Variants in ZFP64 observed in about 807,000 individuals in gnomAD.
ZFP64 encodes ZFP64 zinc finger protein, also known as zinc finger protein 64.
A neutral mutation model predicts 51.6 loss-of-function variants in ZFP64; 14 were observed. That is an observed-to-expected ratio of 0.27 (90% CI 0.18 to 0.42). The LOEUF (loss-of-function observed/expected upper bound fraction) is 0.42. Ranked by LOEUF, ZFP64 falls within the 10% of genes least tolerant of loss-of-function variation. ZFP64 has a pLI of 1.00. For missense variants in ZFP64, 754 were observed against 906.8 expected (o/e 0.83, Z 2.16); for synonymous variants, 375 against 361.4 (o/e 1.04, Z -0.43).
intron 5 of ZFP64, among the ~76,000 whole-genome samples, chr20:52,113,592 C>CT (rs61331317): frequency 0.28 from 36,014 of 126,744 alleles, 5,564 homozygotes; most frequent in East Asian, 0.42. Flanking sequence ...CCATACCTGG[C>CT]TTTTTTTTTT....
chr20:52,164,835 CT>C, intron 3 of ZFP64, 78 bp from the exon 4 acceptor site: 1 of 1,204,404 alleles, frequency 8.3e-7, no homozygotes, highest in Non-Finnish European at 1.2e-6. Flanking sequence ...TAGAAACATC[CT>C]TAACCAAGTG....
chr20:52,094,160 T>C (rs777738550), intron 7 of ZFP64, among the ~76,000 whole-genome samples: 12 of 152,046 alleles, frequency 7.9e-5, no homozygotes, highest in Non-Finnish European at 1.3e-4. Context: ...GATAGTGGCA[T>C]ATATGGAGCA....
chr20:52,166,169 G>A, intron 2 of ZFP64, 144 bp from the exon 3 acceptor site: 1 of 590,722 alleles, frequency 1.7e-6, no homozygotes, highest in Non-Finnish European at 2.5e-6. Flanking sequence ...ATGTGACCCA[G>A]TTCTAGCTAA....
Position 52,185,579 on chromosome 20 carries a change from C to CTTT in ZFP64, c.286+1250_286+1252dup, listed in dbSNP as rs11472663. 4.8e-3 allele frequency among the ~76,000 whole-genome samples: 616 copies of CTTT among 127,826 alleles called. 18 individuals carry two copies. Among genetic ancestry groups the CTTT allele is most frequent in the African/African-American group, 0.016 (541 of 33,710 alleles). 83.9% of individuals were successfully genotyped at this position (127,826 alleles called of 152,430 possible). A position where few individuals can be genotyped will look rare whatever the true frequency, so the allele number is the denominator to read the frequency against. Reference sequence around the variant, plus strand: ...CATCCACTGACCTTTCCACTTTGCACTTTTTTTTTTTTTTTTTTGAGACGA... The same window carrying CTTT: ...CATCCACTGACCTTTCCACTTTGCACTTTTTTTTTTTTTTTTTTTTTGAGACGA... On this transcript the variant is annotated intron_variant, in intron 2 of 5. Coordinates refer to ENST00000216923, the MANE Select transcript of ZFP64 (RefSeq NM_018197.3).
intron 5 of ZFP64, among the ~76,000 whole-genome samples, chr20:52,128,038 C>G (rs1979529421): frequency 6.6e-6 from 1 of 152,140 alleles, no homozygotes; most frequent in Non-Finnish European, 1.5e-5. Context: ...AGGTGTGTTC[C>G]ATGTGTCTGT....
In ZFP64 at chr20:52,095,880, C is replaced by G. The variant is rs1485196215; in HGVS notation, c.976+1493G>C. On this transcript the variant is annotated intron_variant, in intron 7 of 8. Transcript: ENST00000361387. ...GCCTAGCCCCAGTTGAGAACAAGCA[C>G]TCAAGTTATTTTCAGGATAAAGTCA... Among the ~76,000 whole-genome samples the G allele has an allele frequency of 2.6e-5, 4 of 152,326 alleles. No individual in the cohort carries two copies. The East Asian group carries it at 5.8e-4, about 22-fold the overall frequency.
chr20:52,107,514 C>T (rs1235028661), intron 5 of ZFP64, among the ~76,000 whole-genome samples: 5 of 152,116 alleles, frequency 3.3e-5, no homozygotes, highest in Non-Finnish European at 7.4e-5. Flanking sequence ...AATCAACAGC[C>T]TGACTCCTAC....
chr20:52,134,090 C>T lies in ZFP64; in HGVS notation c.763+26033G>A, dbSNP rs116741344. Among the ~76,000 whole-genome samples the T allele has an allele frequency of 3.6e-3, 551 of 151,578 alleles. 1 individual carries two copies. The highest frequency in any genetic ancestry group is 0.011 in the African/African-American group (439 of 41,250). ...CCTATTGCAGGAAATCACACACTCA[C>T]CCCACTGAGAACTAAATGCTAAGGC... On this transcript the variant is annotated intron_variant, in intron 5 of 8. Coordinates refer to the ZFP64 transcript ENST00000361387.
chr20:52,101,592 G>T (rs6013391), intron 5 of ZFP64, among the ~76,000 whole-genome samples: 112,269 of 150,458 alleles, frequency 0.75, 41,834 homozygotes, highest in African/African-American at 0.78. Flanking sequence ...TGTTTTTATA[G>T]AGACAGGGTT....
rs575442535 is a variant in ZFP64 at position 52,152,684 on chromosome 20, T to G, written c.1508A>C (p.His503Pro). The change falls in exon 6 of 6, where the codon CAT becomes CCT. Residue 503 changes from histidine to proline, a missense_variant. Physicochemically the swap from His to Pro is moderately conservative, Grantham distance 77 (BLOSUM62 -2). Transcript: ENST00000216923. The part of the protein sequence containing the change: ...SEGRVKIIVG[H>P]QVPQANTIVQ... ...GATGGTGTTCGCCTGGGGCACCTGA[T>G]GCCCAACGATGATTTTGACTCTTCC... The G allele has an allele frequency of 1.4e-5, 22 of 1,546,540 alleles. No individual in the cohort carries two copies. In the East Asian group the frequency reaches 5.0e-4, roughly 35 times the overall value.
intron 7 of ZFP64, among the ~76,000 whole-genome samples, chr20:52,089,598 G>C (rs752890893): frequency 1.3e-5 from 2 of 152,070 alleles, no homozygotes; most frequent in Non-Finnish European, 2.9e-5. Context: ...CAAAATATTA[G>C]CTGGATGTGG....
chr20:52,161,284 T>A (rs377731966), intron 4 of ZFP64, among the ~76,000 whole-genome samples: 139 of 152,300 alleles, frequency 9.1e-4, no homozygotes, highest in African/African-American at 3.2e-3. Context: ...AACTTTTTGA[T>A]GTATATTTTT....
In ZFP64 at chr20:52,085,730, A is replaced by G. The variant is rs1007520232; in HGVS notation, c.1229-464T>C. On this transcript the variant is annotated intron_variant, in intron 8 of 8. Transcript: ENST00000361387. The surrounding 1 kb of genome is among the most constrained non-coding windows in gnomAD (Gnocchi z 4.3). ...GTGTTTAATCTATATGACATCAGTT[A>G]TTGAGCTTGTATTTCAAGTTAAAGT... 1.3e-5 allele frequency among the ~76,000 whole-genome samples: 2 copies of G among 152,244 alleles called. No individual in the cohort carries two copies. The highest frequency in any genetic ancestry group is 4.8e-5 in the African/African-American group (2 of 41,458).
rs117104665 is a variant in ZFP64, at chr20:52,140,451, C to A, written c.763+19672G>T. Reference sequence around the variant, plus strand: ...AATGAATGATAAGAAAGTGAAACAGCCTTATTGCTGATGTGAAGAACGTTT... The same window carrying A: ...AATGAATGATAAGAAAGTGAAACAGACTTATTGCTGATGTGAAGAACGTTT... On this transcript the variant is annotated intron_variant, in intron 5 of 8. Transcript: ENST00000361387. Among the ~76,000 whole-genome samples the A allele has an allele frequency of 4.3e-3, 654 of 152,320 alleles. 17 individuals are homozygous for A. In the East Asian group the frequency reaches 0.062, roughly 14 times the overall value.
At chr20:52,166,688 T>C (rs1982303814) in intron 2 of ZFP64, among the ~76,000 whole-genome samples, 1 of 152,086 alleles carries the variant, frequency 6.6e-6, no homozygotes, top group South Asian at 2.1e-4. Flanking sequence ...ACTCCTGAGC[T>C]CAAGTGATCT....
At chr20:52,110,268 C>T (rs1978488733) in intron 5 of ZFP64, 1 of 335,116 alleles carries the variant, frequency 3.0e-6, no homozygotes, top group Non-Finnish European at 5.3e-6. Context: ...TTATATTTCA[C>T]AAAGGACTCA....
intron 6 of ZFP64, chr20:52,097,578 C>T: frequency 2.8e-6 from 2 of 711,312 alleles, no homozygotes; most frequent in Non-Finnish European, 2.3e-6. Context: ...TTTCAGCCTC[C>T]TGAGTAGCTG....
intron 2 of ZFP64, chr20:52,176,145 T>A: frequency 5.6e-6 from 1 of 177,944 alleles, no homozygotes; most frequent in Non-Finnish European, 1.1e-5. Flanking sequence ...CGGCTGCCGT[T>A]AAAGTCCCAA....
At chr20:52,105,306 C>G (rs1978305023) in intron 5 of ZFP64, 12 of 1,259,412 alleles carry the variant, frequency 9.5e-6, no homozygotes, top group Non-Finnish European at 1.2e-5. Flanking sequence ...TCCCGGAGTT[C>G]GGAAATTACC....
Sources: gnomAD v4.1 joint callset for allele counts (sites outside exome capture counted in the v4.1 genomes callset) on GRCh38, gnomAD v4.1.1 for gene constraint, Gnocchi (gnomAD v3.1) non-coding constraint, MANE v1.5 for transcripts, NCBI Gene and HGNC (gene_info 2026-07-23, HGNC 2026-07-21) for gene names.